Variants in TTC6 observed in about 807,000 individuals in gnomAD.
TTC6 encodes tetratricopeptide repeat domain 6, also known as tetratricopeptide repeat protein 6.
Under a neutral mutation model 210.4 loss-of-function variants are expected in TTC6, and 172 were observed. The observed-to-expected ratio is 0.82, with a 90% CI of 0.72 to 0.93. TTC6 has a LOEUF of 0.93. Ranked by LOEUF, TTC6 falls within the 40% of genes least tolerant of loss-of-function variation. The pLI is 0.00. For missense variants in TTC6, 2,414 were observed against 2,318.1 expected, an observed-to-expected ratio of 1.04 and a Z score of -0.85; for synonymous variants, 804 against 819.6, an observed-to-expected ratio of 0.98 and a Z score of 0.32.
intron 6 of TTC6, chr14:37,720,652 A>C (rs1406456971): frequency 6.6e-6 from 1 of 152,168 alleles, no homozygotes; most frequent in Non-Finnish European, 1.5e-5. Context: ...ATGGAATACT[A>C]ATCACCAATA....
intron 8 of TTC6, among the ~76,000 whole-genome samples, chr14:37,737,075 C>T (rs1296774299): frequency 6.6e-6 from 1 of 152,016 alleles, no homozygotes; most frequent in Non-Finnish European, 1.5e-5. Context: ...TTCTTTATTG[C>T]TGTTTGCATC....
At chr14:37,704,133 C>G (rs545871698) in intron 5 of TTC6, among the ~76,000 whole-genome samples, 10 of 152,100 alleles carry the variant, frequency 6.6e-5, no homozygotes, top group Admixed American at 5.2e-4. Flanking sequence ...GTTTCCTAGG[C>G]TGGTGCGCAA....
chr14:37,716,571 T>A (rs2138773852), intron 6 of TTC6, among the ~76,000 whole-genome samples: 1 of 152,180 alleles, frequency 6.6e-6, no homozygotes, highest in Admixed American at 6.5e-5. Context: ...GCAAAGAAAG[T>A]TCTCAGAGAC....
At chr14:37,763,131 G>T (rs182598922) in intron 14 of TTC6, among the ~76,000 whole-genome samples, 6 of 151,440 alleles carry the variant, frequency 4.0e-5, no homozygotes, top group African/African-American at 9.7e-5. Flanking sequence ...TTCATGATCC[G>T]CCTGCCTCAG....
In TTC6 at chr14:37,732,173, CTTTTTTTTTTTTTTTTTTTT is replaced by C. The variant is rs61444309; in HGVS notation, c.1819-3740_1819-3721del. Reference sequence around the variant, plus strand: ...TGTTATGTGTATTATGTACTGTATTCTTTTTTTTTTTTTTTTTTTTTTTTTTTGAGAGAGAGTCTCACTCT... The same window carrying C: ...TGTTATGTGTATTATGTACTGTATTCTTTTTTTGAGAGAGAGTCTCACTCT... On this transcript the variant is annotated intron_variant, in intron 7 of 30. Coordinates refer to ENST00000553443, the Ensembl canonical transcript of TTC6. 8.7e-5 allele frequency among the ~76,000 whole-genome samples: 5 copies of C among 57,588 alleles called. No homozygotes were observed. In the Admixed American group the frequency reaches 1.5e-3, roughly 17 times the overall value. 37.8% of individuals were successfully genotyped at this position (57,588 alleles called of 152,430 possible). A position where few individuals can be genotyped will look rare whatever the true frequency, so the allele number is the denominator to read the frequency against.
chr14:37,726,480 T>C (rs2095873227), intron 7 of TTC6, among the ~76,000 whole-genome samples: 1 of 152,198 alleles, frequency 6.6e-6, no homozygotes, highest in South Asian at 2.1e-4. Context: ...TAGTGTATTA[T>C]TGTTAAATAT....
intron 21 of TTC6, 112 bp from the exon 24 acceptor site, chr14:37,806,249 C>T (rs1457590779): frequency 5.3e-6 from 6 of 1,141,946 alleles, no homozygotes; most frequent in African/African-American, 1.6e-5. Context: ...TAAAATAATC[C>T]AAAAATAGAG....
At position 37,842,281 on chromosome 14, in the gene TTC6, C is replaced by G. The variant is rs771910835; in HGVS notation, c.5651C>G (p.Ser1884Ter). Residue 1884 changes from serine (S) to a stop codon, truncating the protein, a stop_gained, in exon 31 of 31, where the codon TCA (serine) becomes TGA (stop). Transcript: ENST00000553443. LOFTEE classifies it high-confidence loss of function. ...GCACTTGATCTTGAAGACTATGCCT[C>G]AGTTATATGATTACATAGACTGTGG... is the stretch of plus-strand genomic sequence containing the variant. 3 of 1,601,704 alleles carry G rather than the reference C, an allele frequency of 1.9e-6. No homozygotes were observed. In the Admixed American group the frequency reaches 5.2e-5, roughly 28 times the overall value.
chr14:37,793,960 G>T (rs1235326450), intron 17 of TTC6, among the ~76,000 whole-genome samples: 2 of 152,084 alleles, frequency 1.3e-5, no homozygotes, highest in African/African-American at 4.8e-5. Flanking sequence ...TAAAACAATT[G>T]TAAATAAACC....
intron 19 of TTC6, 106 bp from the exon 22 acceptor site, chr14:37,796,681 T>G (rs2096093373): frequency 9.8e-7 from 1 of 1,024,900 alleles, no homozygotes; most frequent in Middle Eastern, 3.2e-4. Flanking sequence ...ATTGATTTGT[T>G]AATTCATATT....
chr14:37,761,550 A>G (rs555576295), intron 14 of TTC6, among the ~76,000 whole-genome samples: 1 of 152,250 alleles, frequency 6.6e-6, no homozygotes, highest in East Asian at 1.9e-4. Flanking sequence ...CATAGTGTCA[A>G]TACCCATGTA....
chr14:37,708,260 G>A (rs542955317), intron 5 of TTC6, among the ~76,000 whole-genome samples: 2 of 151,850 alleles, frequency 1.3e-5, no homozygotes, highest in South Asian at 4.1e-4. Context: ...CAAATCAAAT[G>A]TATAAGGAGT....
chr14:37,806,452 A>G (rs1460301586), exon 22 of TTC6: 3 of 1,535,592 alleles, frequency 2.0e-6, no homozygotes, highest in Non-Finnish European at 2.6e-6. Flanking sequence ...AAACTCCACA[A>G]GGATAGCTCG....
intron 24 of TTC6, among the ~76,000 whole-genome samples, chr14:37,811,012 C>T (rs1007936238): frequency 6.6e-6 from 1 of 152,154 alleles, no homozygotes; most frequent in Non-Finnish European, 1.5e-5. Flanking sequence ...AAGTGATTTT[C>T]TCCAAATCAA....
At chr14:37,728,897 G>A (rs1489292322) in intron 7 of TTC6, among the ~76,000 whole-genome samples, 1 of 152,106 alleles carries the variant, frequency 6.6e-6, no homozygotes, top group Non-Finnish European at 1.5e-5. Flanking sequence ...CCTCCTTAAT[G>A]CTGTCCTTCT....
chr14:37,604,473 G>A (rs2095621499), intron 1 of TTC6, among the ~76,000 whole-genome samples: 1 of 152,082 alleles, frequency 6.6e-6, no homozygotes, highest in Admixed American at 6.5e-5. Flanking sequence ...GGCGAGAGAG[G>A]GAGGATGCCT....
intron 20 of TTC6, among the ~76,000 whole-genome samples, chr14:37,797,192 A>G (rs956646982): frequency 2.0e-5 from 3 of 151,958 alleles, no homozygotes; most frequent in Non-Finnish European, 4.4e-5. Flanking sequence ...CAAGGAGTGC[A>G]ATTGGTGGTA....
chr14:37,836,312 A>C (rs944871331), intron 29 of TTC6, among the ~76,000 whole-genome samples: 7 of 152,170 alleles, frequency 4.6e-5, no homozygotes, highest in African/African-American at 1.7e-4. Flanking sequence ...AACTTAACCA[A>C]ACTCAGATCA....
At chr14:37,680,029 A>G (rs1461674219) in intron 1 of TTC6, 122 bp from the exon 4 acceptor site, 1 of 590,696 alleles carries the variant, frequency 1.7e-6, no homozygotes, top group Non-Finnish European at 2.9e-6. Flanking sequence ...TGTGTTATTG[A>G]CTAGTTTATA....
Sources: allele counts gnomAD v4.1 joint callset (sites outside exome capture counted in the v4.1 genomes callset), GRCh38; gene constraint gnomAD v4.1.1; transcripts MANE v1.5; gene names NCBI Gene and HGNC (gene_info 2026-07-23, HGNC 2026-07-21).